ECE2: variants seen among roughly 807,000 people sequenced by gnomAD.
ECE2 encodes the protein endothelin-converting enzyme 2.
ECE2 carries 81 observed loss-of-function variants against 100.6 expected under a neutral mutation model. The observed-to-expected ratio is 0.81, with a 90% CI of 0.67 to 0.97. The LOEUF is 0.97. Among genes scored for constraint, ECE2 ranks in the 50% least tolerant of loss-of-function variants. ECE2 has a pLI of 0.00. For synonymous variants in ECE2, 391 were observed against 391.5 expected (o/e 1.00, Z 0.02); for missense variants, 911 against 988.1 (o/e 0.92, Z 1.05).
chr3:184,291,373 G>A lies in ECE2; in HGVS notation c.2055G>A (p.Gly685=), dbSNP rs1379190221. The change falls in exon 18 of 19, where the codon GGG becomes GGA. Residue 685 remains glycine, a synonymous_variant. Transcript: ENST00000404464. This position sits in a 1 kb window ranked among gnomAD's most constrained non-coding sequence, Gnocchi z 4.1. Reference sequence around the variant, plus strand: ...ACAAAGCATGGCTGAGAAAGCATGGGGAGGAGCAGCAACTGCCAGCCGTGG... The same window carrying A: ...ACAAAGCATGGCTGAGAAAGCATGGAGAGGAGCAGCAACTGCCAGCCGTGG... ...NAYKAWLRKH[G]EEQQLPAVGL... 1.2e-6 allele frequency: 2 copies of A among 1,609,114 alleles called. No individual in the cohort carries two copies. The highest frequency in any genetic ancestry group is 1.3e-5 in the African/African-American group (1 of 74,874).
Position 184,277,339 on chromosome 3 carries a change from T to A in ECE2, c.351T>A (p.Cys117Ter). The A allele has an allele frequency of 6.2e-7, 1 of 1,614,252 alleles. No individual in the cohort carries two copies. Among genetic ancestry groups the A allele is most frequent in the Non-Finnish European group, 8.5e-7 (1 of 1,180,038 alleles). Reference sequence around the variant, plus strand: ...CCCTGGACCGAGGGGTGAGCCCCTGTGAGGACTTTTACCAGTTCTCCTGTG... The same window carrying A: ...CCCTGGACCGAGGGGTGAGCCCCTGAGAGGACTTTTACCAGTTCTCCTGTG... ...LESLDRGVSP[C>*]EDFYQFSCGG... The change falls in exon 4 of 19, where the codon TGT becomes TGA. Residue 117 changes from cysteine (C) to a stop codon, truncating the protein, a stop_gained. Transcript: ENST00000404464. LOFTEE classifies it high-confidence loss of function.
At position 184,292,300 on chromosome 3, in the gene ECE2, CTGTT is replaced by C; in HGVS notation, c.*65_*68del. 6.3e-7 allele frequency: 1 copy of C among 1,593,816 alleles called. No individual in the cohort carries two copies. ...ACCTGGGGCAGCTCTCCTGACAAAGCTGTTTGCTCTTGGGTTGGGAGGAAGCAAA... is the reference window on the plus strand; with the variant it reads ...ACCTGGGGCAGCTCTCCTGACAAAGCTGCTCTTGGGTTGGGAGGAAGCAAA... On this transcript the variant is annotated 3_prime_UTR_variant, in exon 19 of 19. Coordinates refer to ENST00000404464, the MANE Select transcript of ECE2 (RefSeq NM_001100121.2).
At position 184,276,526 on chromosome 3, in the gene ECE2, G is replaced by A. The variant is rs376213717; in HGVS notation, c.85G>A (p.Glu29Lys). 62 of 1,611,506 alleles carry A rather than the reference G, an allele frequency of 3.8e-5. No individual in the cohort carries two copies. The highest frequency in any genetic ancestry group is 2.1e-4 in the African/African-American group (16 of 75,018). Residue 29 changes from glutamate (E) to lysine (K), a missense_variant, in exon 2 of 19, where the codon GAG (glutamate) becomes AAG (lysine). Physicochemically the swap from Glu to Lys is moderately conservative, Grantham distance 56. Transcript: ENST00000404464. ...RATLRDEDAP[E>K]TPVEGGASPD... The stretch of plus-strand genomic sequence containing the variant: ...CACGCTTCGGGATGAAGACGCACCC[G>A]AGACCCCCGTAGAGGGCGGGGCCTC...
chr3:184,292,356 C>A lies in ECE2; in HGVS notation c.*118C>A, dbSNP rs566876888. 1.9e-5 allele frequency: 23 copies of A among 1,186,444 alleles called. No homozygotes were observed. Among genetic ancestry groups the A allele is most frequent in the Non-Finnish European group, 2.5e-5 (21 of 835,410 alleles). The allele number at this position is 1,186,444 out of a possible 1,614,324, so 73.5% of individuals were successfully genotyped here. A position where few individuals can be genotyped will look rare whatever the true frequency, so the allele number is the denominator to read the frequency against. On this transcript the variant is annotated 3_prime_UTR_variant, in exon 19 of 19. Transcript: ENST00000404464. Reference sequence around the variant, plus strand: ...GCAAGCTGGGCTGGGTCTAGTCCCTCCCCCCCACAGGTGACATGAGTACAG... The same window carrying A: ...GCAAGCTGGGCTGGGTCTAGTCCCTACCCCCCACAGGTGACATGAGTACAG...
At position 184,276,826 on chromosome 3, in the gene ECE2, A is replaced by G. The variant is rs2108416243; in HGVS notation, c.127-66A>G. ...GGCTCTGAAAACTGCCTGTGGCTTCACCCTCTGGTAATCTTGGATCCCTGC... is the reference window on the plus strand; with the variant it reads ...GGCTCTGAAAACTGCCTGTGGCTTCGCCCTCTGGTAATCTTGGATCCCTGC... On this transcript the variant is annotated intron_variant, in intron 2 of 18. Coordinates refer to ENST00000404464, the MANE Select transcript of ECE2 (RefSeq NM_001100121.2). 9.4e-6 allele frequency: 15 copies of G among 1,596,906 alleles called. No homozygotes were observed. In the South Asian group the frequency reaches 1.6e-4, roughly 17 times the overall value.
intron 7 of ECE2, among the ~76,000 whole-genome samples, chr3:184,282,860 G>C (rs1001382068): frequency 3.3e-5 from 5 of 152,248 alleles, no homozygotes; most frequent in Admixed American, 3.3e-4. Flanking sequence ...CTCTAATAGA[G>C]AGTCTGATGT....
Position 184,276,500 on chromosome 3 carries a change from C to T in ECE2, c.59C>T (p.Ala20Val). 6.2e-7 allele frequency: 1 copy of T among 1,610,448 alleles called. No homozygotes were observed. The highest frequency in any genetic ancestry group is 8.5e-7 in the Non-Finnish European group (1 of 1,179,570). ...TGGCAGATGGTGGAGTACAAACGGG[C>T]CACGCTTCGGGATGAAGACGCACCC... Reference protein sequence around the residue: ...AGSNMVEYKRATLRDEDAPET... With the variant: ...AGSNMVEYKRVTLRDEDAPET... Residue 20 changes from alanine (A) to valine (V), a missense_variant, in exon 2 of 19, where the codon GCC becomes GTC. Physicochemically the swap from Ala to Val is moderately conservative, Grantham distance 64. Transcript: ENST00000404464.
Position 184,276,040 on chromosome 3 carries a change from T to G in ECE2, c.-114T>G. 9.1e-7 allele frequency: 1 copy of G among 1,104,036 alleles called. No individual in the cohort carries two copies. The highest frequency in any genetic ancestry group is 1.1e-6 in the Non-Finnish European group (1 of 901,654). The allele number at this position is 1,104,036 out of a possible 1,614,324, so 68.4% of individuals were successfully genotyped here. On this transcript the variant is annotated 5_prime_UTR_variant, in exon 1 of 19. Coordinates refer to ENST00000404464, the MANE Select transcript of ECE2 (RefSeq NM_001100121.2). ...GGCGGCCGCGGCCGAGCGGGGGTGC[T>G]GCGCGGCGGCCGTGATGGCTGGTGA... is the stretch of plus-strand genomic sequence containing the variant.
intron 7 of ECE2, 47 bp from the exon 8 acceptor site, chr3:184,283,738 G>C (rs1418436166): frequency 1.9e-6 from 3 of 1,592,114 alleles, no homozygotes; most frequent in Admixed American, 1.7e-5. Flanking sequence ...TCTCAGCCTT[G>C]GGCAGGACTT....
At chr3:184,285,411 G>C (rs1720996880) in intron 9 of ECE2, 67 bp from the exon 10 acceptor site, 9 of 1,248,176 alleles carry the variant, frequency 7.2e-6, no homozygotes, top group Non-Finnish European at 9.4e-6. Flanking sequence ...ATGTTCCTGG[G>C]GGCTGGTTTG....
intron 3 of ECE2, 94 bp downstream of exon 3, chr3:184,277,121 C>G (rs1360920408): frequency 6.3e-7 from 1 of 1,599,908 alleles, no homozygotes. Flanking sequence ...ACCAAGCCTT[C>G]CCTGCAGAAA....
chr3:184,288,729 GA>G, intron 11 of ECE2, among the ~76,000 whole-genome samples: 1 of 152,274 alleles, frequency 6.6e-6, no homozygotes, highest in African/African-American at 2.4e-5. Context: ...TCAGGGGAGG[GA>G]AAAACTCTAG....
Position 184,292,122 on chromosome 3 carries a change from A to G in ECE2, c.2182A>G (p.Ser728Gly). The G allele has an allele frequency of 6.2e-7, 1 of 1,614,018 alleles. No homozygotes were observed. Among genetic ancestry groups the G allele is most frequent in the East Asian group, 2.2e-5 (1 of 44,872 alleles). The change falls in exon 19 of 19, where the codon AGC becomes GGC. Residue 728 changes from serine (S) to glycine (G), a missense_variant. Coordinates refer to ENST00000404464, the MANE Select transcript of ECE2 (RefSeq NM_001100121.2). ...SHEGLVTDPH[S>G]PARFRVLGTL... is the part of the protein sequence containing the mutation. ...CGAGGGGCTGGTGACCGACCCCCAC[A>G]GCCCTGCCCGCTTCCGCGTGCTGGG...
At chr3:184,282,776 G>A (rs1289068065) in intron 7 of ECE2, among the ~76,000 whole-genome samples, 3 of 152,202 alleles carry the variant, frequency 2.0e-5, no homozygotes, top group African/African-American at 7.2e-5. Context: ...TTCTGCCCTG[G>A]GGTGTGAAAT....
chr3:184,276,618 G>A (rs757915768), intron 2 of ECE2, 51 bp downstream of exon 2: 1 of 1,588,736 alleles, frequency 6.3e-7, no homozygotes, highest in Non-Finnish European at 8.6e-7. Flanking sequence ...CTGGCATGAC[G>A]CCTGGCACAC....
chr3:184,277,052 A>G (rs1206039190), intron 3 of ECE2, 25 bp downstream of exon 3: 1 of 1,613,282 alleles, frequency 6.2e-7, no homozygotes, highest in African/African-American at 1.3e-5. Context: ...ACTCTTCGTC[A>G]GTATTCATAA....
At position 184,280,853 on chromosome 3, in the gene ECE2, C is replaced by T. The variant is rs182732969; in HGVS notation, c.816+2296C>T. Among the ~76,000 whole-genome samples, 244 of 152,082 alleles carry T rather than the reference C, an allele frequency of 1.6e-3. 7 individuals are homozygous for T. The East Asian group carries it at 0.029, about 18-fold the overall frequency. On this transcript the variant is annotated intron_variant, in intron 7 of 18. Transcript: ENST00000404464. ...AATTAGCCCGACGTGGTGGCGGGTG[C>T]CTGTAATCCCAGCTACTTGGAAGGC...
In ECE2 at chr3:184,277,351, C is replaced by G; in HGVS notation, c.363C>G (p.Tyr121Ter). 6.2e-7 allele frequency: 1 copy of G among 1,614,250 alleles called. No homozygotes were observed. The highest frequency in any genetic ancestry group is 8.5e-7 in the Non-Finnish European group (1 of 1,180,036). Reference sequence around the variant, plus strand: ...GGGTGAGCCCCTGTGAGGACTTTTACCAGTTCTCCTGTGGGGGCTGGATTC... The same window carrying G: ...GGGTGAGCCCCTGTGAGGACTTTTAGCAGTTCTCCTGTGGGGGCTGGATTC... ...DRGVSPCEDFYQFSCGGWIRR... is the reference protein window; with the variant it reads ...DRGVSPCEDF The change falls in exon 4 of 19, where the codon TAC becomes TAG. Residue 121 changes from tyrosine to a stop codon, truncating the protein, a stop_gained. Transcript: ENST00000404464. LOFTEE classifies it high-confidence loss of function.
At chr3:184,290,458 G>T in intron 14 of ECE2, 99 bp from the exon 15 acceptor site, 1 of 1,555,134 alleles carries the variant, frequency 6.4e-7, no homozygotes, top group Admixed American at 1.7e-5. Context: ...GTCCCAGACC[G>T]GCGGCCCCAT....
Sources: gnomAD v4.1 joint callset for allele counts (sites outside exome capture counted in the v4.1 genomes callset) on GRCh38, gnomAD v4.1.1 for gene constraint, Gnocchi (gnomAD v3.1) non-coding constraint, MANE v1.5 for transcripts, NCBI Gene and HGNC (gene_info 2026-07-23, HGNC 2026-07-21) for gene names.